The following SORCS1 variants were observed in gnomAD, a reference collection of about 807,000 sequenced individuals.
The protein encoded by SORCS1 is sortilin related VPS10 domain containing receptor 1.
A neutral mutation model predicts 146.1 loss-of-function variants in SORCS1; 60 were observed. That is an observed-to-expected ratio of 0.41 (90% CI 0.33 to 0.51). SORCS1 has a LOEUF of 0.51. Ranked by LOEUF, SORCS1 falls within the 20% of genes least tolerant of loss-of-function variation. The pLI is 0.21. For missense variants in SORCS1, 1,352 were observed against 1,487.6 expected, an observed-to-expected ratio of 0.91 and a Z score of 1.50; for synonymous variants, 637 against 584.0, an observed-to-expected ratio of 1.09 and a Z score of -1.31.
chr10:106,814,480 A>G (rs1403095552), intron 3 of SORCS1, among the ~76,000 whole-genome samples: 1 of 152,206 alleles, frequency 6.6e-6, no homozygotes, highest in Non-Finnish European at 1.5e-5. Flanking sequence ...GCAACCAGTC[A>G]CTAACTAGGC....
At chr10:107,165,579 G>A (rs1046684788), upstream of SORCS1, among the ~76,000 whole-genome samples, 2 of 152,086 alleles carry the variant, frequency 1.3e-5, no homozygotes, top group Non-Finnish European at 2.9e-5. This position sits in a 1 kb window ranked among gnomAD's most constrained non-coding sequence, Gnocchi z 4.0. Flanking sequence ...CTCAGTACGT[G>A]GCACAGTACC....
intron 1 of SORCS1, among the ~76,000 whole-genome samples, chr10:106,980,705 C>T (rs1034496679): frequency 6.6e-6 from 1 of 152,130 alleles, no homozygotes; most frequent in Non-Finnish European, 1.5e-5. Context: ...TCCTCTTTTC[C>T]GCAGCCTACA....
intron 2 of SORCS1, among the ~76,000 whole-genome samples, chr10:106,887,044 TACA>T (rs551870084): frequency 6.6e-6 from 1 of 152,154 alleles, no homozygotes; most frequent in Non-Finnish European, 1.5e-5. Context: ...AAATATCAAT[TACA>T]ACAAGTCTTA....
rs893386702 is a variant in SORCS1 at position 106,998,176 on chromosome 10, G to A, written c.559-41596C>T. 1.9e-4 allele frequency among the ~76,000 whole-genome samples: 29 copies of A among 152,242 alleles called. 1 individual carries two copies. Among genetic ancestry groups the A allele is most frequent in the East Asian group, 7.7e-4 (4 of 5,182 alleles). On this transcript the variant is annotated intron_variant, in intron 1 of 25. Transcript: ENST00000263054. ...TATATCCGCTGCTTTTACATAATTC[G>A]TTGGCCTCTTATTTAAAAGTGCCTG...
intron 25 of SORCS1, 56 bp downstream of exon 25, chr10:106,579,313 T>C: frequency 6.2e-7 from 1 of 1,613,946 alleles, no homozygotes; most frequent in Non-Finnish European, 8.5e-7. Context: ...CTTCTGAACC[T>C]GTCAGGGAGA....
intron 1 of SORCS1, among the ~76,000 whole-genome samples, chr10:107,007,112 C>T (rs949324244): frequency 6.6e-6 from 1 of 152,212 alleles, no homozygotes; most frequent in Non-Finnish European, 1.5e-5. Context: ...ACTTCCCCTG[C>T]AATCCCTGTG....
At chr10:106,597,320 C>A in intron 24 of SORCS1, 31 bp downstream of exon 24, 1 of 1,592,704 alleles carries the variant, frequency 6.3e-7, no homozygotes, top group South Asian at 1.1e-5. Flanking sequence ...GCCAGAGCCA[C>A]CAGCCAGAAC....
intron 3 of SORCS1, among the ~76,000 whole-genome samples, chr10:106,793,167 G>A (rs569190513): frequency 2.6e-5 from 4 of 152,072 alleles, no homozygotes; most frequent in African/African-American, 7.2e-5. Flanking sequence ...ACTAGAACAC[G>A]GAAAAGCACT....
At chr10:106,599,059 G>C (rs1368218143) in intron 23 of SORCS1, among the ~76,000 whole-genome samples, 1 of 152,124 alleles carries the variant, frequency 6.6e-6, no homozygotes, top group Non-Finnish European at 1.5e-5. Flanking sequence ...TTGGGTGCTG[G>C]GAATCAACCA....
intron 16 of SORCS1, among the ~76,000 whole-genome samples, chr10:106,668,228 T>C (rs1345290036): frequency 6.6e-6 from 1 of 152,158 alleles, no homozygotes; most frequent in Non-Finnish European, 1.5e-5. Context: ...GGTGATGTCT[T>C]TGGGATGCTC....
intron 3 of SORCS1, among the ~76,000 whole-genome samples, chr10:106,787,627 T>G (rs11193049): frequency 6.6e-6 from 1 of 152,182 alleles, no homozygotes; most frequent in African/African-American, 2.4e-5. Context: ...CAGTGGTATT[T>G]CTCAACACCC....
chr10:107,082,924 G>A (rs954834515), intron 1 of SORCS1, among the ~76,000 whole-genome samples: 8 of 151,822 alleles, frequency 5.3e-5, no homozygotes, highest in African/African-American at 1.9e-4. Flanking sequence ...GCCTAACATG[G>A]TGAAACCCCG....
chr10:106,956,057 G>A (rs78611698), intron 2 of SORCS1, among the ~76,000 whole-genome samples: 8,222 of 151,966 alleles, frequency 0.054, 590 homozygotes, highest in African/African-American at 0.15. Context: ...TTGAACCCGG[G>A]AGGCAGAGGT....
chr10:107,017,632 A>C (rs1442797684), intron 1 of SORCS1, among the ~76,000 whole-genome samples: 2 of 151,838 alleles, frequency 1.3e-5, no homozygotes, highest in Admixed American at 6.6e-5. Flanking sequence ...CCACAGAATA[A>C]TTTTTTTTAA....
intron 1 of SORCS1, among the ~76,000 whole-genome samples, chr10:106,999,493 A>C (rs554126393): frequency 6.6e-6 from 1 of 152,362 alleles, no homozygotes; most frequent in Non-Finnish European, 1.5e-5. Context: ...TTCATTTAAG[A>C]AAACGTGCTT....
intron 5 of SORCS1, among the ~76,000 whole-genome samples, chr10:106,733,275 C>T (rs1856740833): frequency 6.6e-6 from 1 of 152,130 alleles, no homozygotes; most frequent in Non-Finnish European, 1.5e-5. Flanking sequence ...CAAAACAAAG[C>T]TTTACATATG....
rs754642192 is a variant in SORCS1, at chr10:106,576,424, T to C, written c.*996A>G. 1 of 152,186 alleles carries C rather than the reference T, an allele frequency of 6.6e-6. No individual in the cohort carries two copies. The highest frequency in any genetic ancestry group is 1.5e-5 in the Non-Finnish European group (1 of 68,056). The allele number at this position is 152,186 out of a possible 1,614,324, so 9.4% of individuals were successfully genotyped here. A position where few individuals can be genotyped will look rare whatever the true frequency, so the allele number is the denominator to read the frequency against. ...TTTGGAGGGAAGAGATTCAAAGATA[T>C]CAACAGATCATGGTCACACATGGAT... On this transcript the variant is annotated 3_prime_UTR_variant, in exon 26 of 26. Transcript: ENST00000263054.
intron 1 of SORCS1, among the ~76,000 whole-genome samples, chr10:106,983,180 A>G (rs1956308311): frequency 7.0e-6 from 1 of 141,938 alleles, no homozygotes; most frequent in Admixed American, 6.8e-5. Context: ...ATAAATATAC[A>G]TATTTCTCTA....
chr10:106,634,339 TTG>T (rs1384628523), intron 18 of SORCS1, among the ~76,000 whole-genome samples: 2 of 152,352 alleles, frequency 1.3e-5, no homozygotes, highest in East Asian at 1.9e-4. Context: ...CACATTTCTA[TTG>T]TGTGTTTGTC....
Sources: allele counts gnomAD v4.1 joint callset (sites outside exome capture counted in the v4.1 genomes callset), GRCh38; gene constraint gnomAD v4.1.1; non-coding constraint Gnocchi (gnomAD v3.1); transcripts MANE v1.5; gene names NCBI Gene and HGNC (gene_info 2026-07-23, HGNC 2026-07-21).